FASTKD1: variants seen among roughly 807,000 people sequenced by gnomAD.
FASTKD1 encodes FAST kinase domain-containing protein 1, mitochondrial.
Under a neutral mutation model 90.9 loss-of-function variants are expected in FASTKD1, and 94 were observed. That is an observed-to-expected ratio of 1.03 (90% confidence interval 0.88 to 1.23). The LOEUF is 1.23. Ranked by LOEUF, FASTKD1 falls within the 50% of genes most tolerant of loss-of-function variation. The pLI, the probability that FASTKD1 is intolerant of heterozygous loss-of-function variation, is 0.00. For synonymous variants in FASTKD1, 319 were observed against 345.8 expected (o/e 0.92, Z 0.86); for missense variants, 945 against 993.5 (o/e 0.95, Z 0.66).
chr2:169,554,990 G>A (rs1165957699), intron 7 of FASTKD1, 134 bp downstream of exon 7: 16 of 761,554 alleles, frequency 2.1e-5, no homozygotes, highest in African/African-American at 3.5e-5. Context: ...GAGGGAGATA[G>A]TGTCTTAACA....
intron 8 of FASTKD1, 110 bp downstream of exon 8, chr2:169,546,108 A>T: frequency 1.7e-6 from 2 of 1,208,848 alleles, no homozygotes; most frequent in Non-Finnish European, 2.3e-6. Flanking sequence ...GAATTTATTT[A>T]ATTTTTAAAC....
chr2:169,541,916 T>C (rs952659060), intron 9 of FASTKD1, among the ~76,000 whole-genome samples: 5 of 152,056 alleles, frequency 3.3e-5, no homozygotes, highest in Non-Finnish European at 7.4e-5. Context: ...CCAAACATGC[T>C]CTCACCCGAG....
At chr2:169,566,569 G>A in intron 3 of FASTKD1, among the ~76,000 whole-genome samples, 1 of 152,086 alleles carries the variant, frequency 6.6e-6, no homozygotes, top group Non-Finnish European at 1.5e-5. Context: ...AAAATTAGCT[G>A]GGCGTGGTGG....
In FASTKD1 at chr2:169,544,744, A is replaced by C; in HGVS notation, c.1793T>G (p.Val598Gly). ...PQRDEFLGTC[V>G]QHLNSYLGIL... The stretch of plus-strand genomic sequence containing the variant: ...ACCTAAGTAAGAATTAAGATGTTGC[A>C]CGCAAGTTCCCAAAAATTCATCCCT... Residue 598 changes from valine (V) to glycine (G), a missense_variant, in exon 9 of 15, where the codon GTG becomes GGG. Coordinates refer to ENST00000453153, the MANE Select transcript of FASTKD1 (RefSeq NM_024622.6). 1 of 1,603,342 alleles carries C rather than the reference A, an allele frequency of 6.2e-7. No individual in the cohort carries two copies. The highest frequency in any genetic ancestry group is 2.2e-5 in the East Asian group (1 of 44,792).
rs568942158 is a variant in FASTKD1 at position 169,560,958 on chromosome 2, C to T, written c.573-173G>A. On this transcript the variant is annotated intron_variant, in intron 4 of 14. Coordinates refer to ENST00000453153, the MANE Select transcript of FASTKD1 (RefSeq NM_024622.6). ...TCAGCCTCCCAAAGTGCTGGGATTA[C>T]AGGCATGAGCCACTGCACCCAGCCA... Among the ~76,000 whole-genome samples the T allele has an allele frequency of 4.6e-4, 66 of 142,674 alleles. 1 individual carries two copies. Among genetic ancestry groups the T allele is most frequent in the African/African-American group, 1.6e-3 (62 of 38,898 alleles). 93.6% of individuals were successfully genotyped at this position (142,674 alleles called of 152,430 possible).
chr2:169,559,412 T>C (rs766157557), intron 5 of FASTKD1, among the ~76,000 whole-genome samples: 2 of 152,162 alleles, frequency 1.3e-5, no homozygotes, highest in African/African-American at 2.4e-5. Flanking sequence ...AGGACTATTA[T>C]ATAAAATTCT....
At chr2:169,555,054 C>T in intron 7 of FASTKD1, 70 bp downstream of exon 7, 2 of 1,451,838 alleles carry the variant, frequency 1.4e-6, no homozygotes. Flanking sequence ...CACCACTGTA[C>T]ATAGTTAAAC....
intron 3 of FASTKD1, among the ~76,000 whole-genome samples, chr2:169,564,750 G>A (rs13017164): frequency 2.0e-5 from 3 of 151,518 alleles, no homozygotes; most frequent in South Asian, 2.1e-4. Context: ...GGTAACCATC[G>A]TTCTGCTCTC....
At position 169,529,790 on chromosome 2, in the gene FASTKD1, A is replaced by G; in HGVS notation, c.*35T>C. 1 of 1,463,548 alleles carries G rather than the reference A, an allele frequency of 6.8e-7. No individual in the cohort carries two copies. The highest frequency in any genetic ancestry group is 9.5e-7 in the Non-Finnish European group (1 of 1,055,352). The allele number at this position is 1,463,548 out of a possible 1,614,324, so 90.7% of individuals were successfully genotyped here. ...GGCCACTTTATTAAAATAGGTCCAA[A>G]TGTAACACACGATAACATTCATTTT... On this transcript the variant is annotated 3_prime_UTR_variant, in exon 15 of 15. Coordinates refer to ENST00000453153, the MANE Select transcript of FASTKD1 (RefSeq NM_024622.6).
chr2:169,534,617 G>A (rs935940256), intron 12 of FASTKD1, among the ~76,000 whole-genome samples: 5 of 151,742 alleles, frequency 3.3e-5, no homozygotes, highest in African/African-American at 7.3e-5. Flanking sequence ...GCGCCACCAC[G>A]CCCAGCTAAT....
intron 3 of FASTKD1, among the ~76,000 whole-genome samples, chr2:169,564,453 T>C (rs949034036): frequency 2.0e-5 from 3 of 152,050 alleles, no homozygotes; most frequent in African/African-American, 7.2e-5. Flanking sequence ...TGTGGGTACA[T>C]AGTAGGTACA....
At chr2:169,563,876 T>C (rs1208383957) in intron 3 of FASTKD1, among the ~76,000 whole-genome samples, 1 of 152,112 alleles carries the variant, frequency 6.6e-6, no homozygotes, top group Non-Finnish European at 1.5e-5. Flanking sequence ...TACAATAGAA[T>C]AAAATTATGG....
Position 169,544,835 on chromosome 2 carries a change from T to C in FASTKD1, c.1702A>G (p.Ile568Val), listed in dbSNP as rs765224579. ...ATAGCAGGGATTGTAAAAGGATGGATCTGTATAAAAAGAACAAAAAATTTA... is the reference window on the plus strand; with the variant it reads ...ATAGCAGGGATTGTAAAAGGATGGACCTGTATAAAAAGAACAAAAAATTTA... ...ASVAVQQIEK[I>V]HPFTIPAIIR... Residue 568 changes from isoleucine to valine, a missense_variant and splice_region_variant, in exon 9 of 15, where the codon ATC becomes GTC. Physicochemically the swap from Ile to Val is conservative, Grantham distance 29 (BLOSUM62 3). Transcript: ENST00000453153. The C allele has an allele frequency of 6.4e-7, 1 of 1,570,990 alleles. No individual in the cohort carries two copies. Among genetic ancestry groups the C allele is most frequent in the Non-Finnish European group, 8.7e-7 (1 of 1,145,616 alleles).
intron 3 of FASTKD1, among the ~76,000 whole-genome samples, chr2:169,564,425 T>TA (rs201443255): frequency 3.6e-4 from 54 of 151,782 alleles, no homozygotes; most frequent in Middle Eastern, 3.4e-3. Context: ...TTATTAAAAT[T>TA]AAAAAAAAAA....
In FASTKD1 at chr2:169,529,794, AAC is replaced by A; in HGVS notation, c.*29_*30del. The A allele has an allele frequency of 6.8e-7, 1 of 1,463,534 alleles. No individual in the cohort carries two copies. Among genetic ancestry groups the A allele is most frequent in the Non-Finnish European group, 9.5e-7 (1 of 1,054,814 alleles). 90.7% of individuals were successfully genotyped at this position (1,463,534 alleles called of 1,614,324 possible). ...ACTTTATTAAAATAGGTCCAAATGTAACACACGATAACATTCATTTTAAATAA... is the reference window on the plus strand; with the variant it reads ...ACTTTATTAAAATAGGTCCAAATGTAACACGATAACATTCATTTTAAATAA... On this transcript the variant is annotated 3_prime_UTR_variant, in exon 15 of 15. Coordinates refer to ENST00000453153, the MANE Select transcript of FASTKD1 (RefSeq NM_024622.6).
At chr2:169,554,315 G>C (rs990000801) in intron 7 of FASTKD1, among the ~76,000 whole-genome samples, 1 of 69,726 alleles carries the variant, frequency 1.4e-5, no homozygotes, top group East Asian at 5.3e-4. Context: ...AAAAAAAAAA[G>C]ATACATCTGT....
intron 2 of FASTKD1, among the ~76,000 whole-genome samples, chr2:169,570,039 C>T (rs996956137): frequency 1.3e-5 from 2 of 151,994 alleles, no homozygotes; most frequent in Admixed American, 1.3e-4. Flanking sequence ...AACATCAATC[C>T]CCAATATAAG....
At chr2:169,542,087 A>G (rs1684982178) in intron 9 of FASTKD1, among the ~76,000 whole-genome samples, 1 of 152,110 alleles carries the variant, frequency 6.6e-6, no homozygotes, top group Non-Finnish European at 1.5e-5. Flanking sequence ...CACACTTACC[A>G]TGATGCTCCA....
intron 3 of FASTKD1, among the ~76,000 whole-genome samples, chr2:169,567,125 A>C (rs922368681): frequency 1.3e-4 from 20 of 152,174 alleles, no homozygotes; most frequent in Non-Finnish European, 2.6e-4. Context: ...AAAAAAAAAA[A>C]AACATAAGTT....
Sources: allele counts gnomAD v4.1 joint callset (sites outside exome capture counted in the v4.1 genomes callset), GRCh38; gene constraint gnomAD v4.1.1; transcripts MANE v1.5; gene names NCBI Gene and HGNC (gene_info 2026-07-23, HGNC 2026-07-21).